The following ADAM19 variants were observed in gnomAD, a reference collection of about 807,000 sequenced individuals.
The protein encoded by ADAM19 is ADAM metallopeptidase domain 19.
Under a neutral mutation model 114.7 loss-of-function variants are expected in ADAM19, and 65 were observed. That is an observed-to-expected ratio of 0.57 (90% confidence interval 0.46 to 0.70). The LOEUF (loss-of-function observed/expected upper bound fraction) is 0.70. ADAM19 is among the 30% of genes least tolerant of loss of function. ADAM19 has a pLI of 0.00. For synonymous variants in ADAM19, 466 were observed against 460.5 expected (o/e 1.01, Z -0.15); for missense variants, 1,063 against 1,204.7 (o/e 0.88, Z 1.74).
intron 5 of ADAM19, among the ~76,000 whole-genome samples, chr5:157,521,100 G>A (rs1259666019): frequency 6.6e-6 from 1 of 152,198 alleles, no homozygotes; most frequent in Non-Finnish European, 1.5e-5. Context: ...CCCTTGGACT[G>A]GAGGCAGCTG....
At chr5:157,559,209 A>G (rs4704882) in intron 3 of ADAM19, among the ~76,000 whole-genome samples, 70,894 of 152,092 alleles carry the variant, frequency 0.47, 18,257 homozygotes, top group African/African-American at 0.7. Context: ...TGAGCAAATA[A>G]GATCTCTCTT....
chr5:157,505,140 TTTCC>T, intron 11 of ADAM19, among the ~76,000 whole-genome samples: 1 of 138,516 alleles, frequency 7.2e-6, no homozygotes, highest in Non-Finnish European at 1.6e-5. Flanking sequence ...AAAAAAAAAA[TTTCC>T]TCATGACCAC....
intron 4 of ADAM19, among the ~76,000 whole-genome samples, chr5:157,537,326 C>G (rs1581337877): frequency 2.0e-5 from 3 of 152,110 alleles, no homozygotes; most frequent in Admixed American, 2.0e-4. Flanking sequence ...TGACATGTAA[C>G]CATCTGAAAG....
At position 157,519,927 on chromosome 5, in the gene ADAM19, G is replaced by A. The variant is rs141344301; in HGVS notation, c.512C>T (p.Pro171Leu). Residue 171 changes from proline to leucine, a missense_variant, in exon 6 of 23, where the codon CCG becomes CTG. Around this residue, in one of 3 missense-constraint regions of ADAM19, gnomAD observed 615 missense variants for 706.3 expected, o/e 0.87. Coordinates refer to ENST00000257527, the MANE Select transcript of ADAM19 (RefSeq NM_033274.5). ...GGAGTGCTCGAACCCACAGTTTCCCGGGGGCGGCTTGAGATGTTCAGATCT... is the reference window on the plus strand; with the variant it reads ...GGAGTGCTCGAACCCACAGTTTCCCAGGGGCGGCTTGAGATGTTCAGATCT... ...IYRSEHLKPP[P>L]GNCGFEHSKP... 62 of 1,613,938 alleles carry A rather than the reference G, an allele frequency of 3.8e-5. No individual in the cohort carries two copies. The highest frequency in any genetic ancestry group is 2.1e-4 in the African/African-American group (16 of 74,876).
intron 2 of ADAM19, among the ~76,000 whole-genome samples, chr5:157,567,247 G>A (rs1205712651): frequency 2.6e-5 from 4 of 152,192 alleles, no homozygotes; most frequent in Non-Finnish European, 5.9e-5. Context: ...CTTGGGCAAC[G>A]CTGGCCATTG....
Position 157,496,895 on chromosome 5 carries a change from G to A in ADAM19, c.1593C>T (p.Pro531=), listed in dbSNP as rs142646672. ...YQEQCQQLWG[P]GARPAPDLCF... ...CCGTGCTCCCCAGGAGAGCCTTACCGGGTCCCCACAGCTGCTGGCACTGCT... is the reference window on the plus strand; with the variant it reads ...CCGTGCTCCCCAGGAGAGCCTTACCAGGTCCCCACAGCTGCTGGCACTGCT... Residue 531 remains proline, a splice_region_variant and synonymous_variant, in exon 14 of 23, where the codon CCC becomes CCT. Transcript: ENST00000257527. 5.5e-5 allele frequency: 87 copies of A among 1,572,288 alleles called. No individual in the cohort carries two copies. Among genetic ancestry groups the A allele is most frequent in the Non-Finnish European group, 6.5e-5 (76 of 1,161,642 alleles).
intron 5 of ADAM19, among the ~76,000 whole-genome samples, chr5:157,529,371 CTTA>C (rs1756562792): frequency 1.3e-5 from 2 of 151,330 alleles, no homozygotes; most frequent in South Asian, 4.2e-4. Flanking sequence ...ATAAATAAGA[CTTA>C]TTATGTCAAC....
At position 157,575,713 on chromosome 5, in the gene ADAM19, A is replaced by G. The variant is rs1048979381; in HGVS notation, c.-17T>C. ...CCCTGGCATGGTGGCGGCGGCCCTT[A>G]GCGCTCGGCGCTCACACGCCCTCAG... On this transcript the variant is annotated 5_prime_UTR_variant, in exon 1 of 23. Transcript: ENST00000257527. 9.2e-5 allele frequency: 120 copies of G among 1,310,848 alleles called. No individual in the cohort carries two copies. Among genetic ancestry groups the G allele is most frequent in the Non-Finnish European group, 1.0e-4 (108 of 1,031,798 alleles). 81.2% of individuals were successfully genotyped at this position (1,310,848 alleles called of 1,614,324 possible).
intron 7 of ADAM19, among the ~76,000 whole-genome samples, chr5:157,516,020 C>A (rs1756080239): frequency 6.6e-6 from 1 of 152,170 alleles, no homozygotes; most frequent in African/African-American, 2.4e-5. Context: ...CATTCAGAGC[C>A]CCAAGGCTCT....
At chr5:157,503,330 C>T (rs112517394) in intron 11 of ADAM19, among the ~76,000 whole-genome samples, 6 of 151,954 alleles carry the variant, frequency 3.9e-5, no homozygotes, top group South Asian at 2.1e-4. Flanking sequence ...CATAACACAC[C>T]GGGGCCTGTT....
At chr5:157,551,878 GTGCCTTGACTCA>G (rs1466642127) in intron 3 of ADAM19, among the ~76,000 whole-genome samples, 26 of 152,274 alleles carry the variant, frequency 1.7e-4, no homozygotes, top group African/African-American at 6.3e-4. Flanking sequence ...AACAAGCTGG[GTGCCTTGACTCA>G]TGCCTGTAAT....
At chr5:157,570,783 G>T in intron 2 of ADAM19, 112 bp downstream of exon 2, 1 of 898,710 alleles carries the variant, frequency 1.1e-6, no homozygotes, top group Non-Finnish European at 1.7e-6. Flanking sequence ...AGGACAGAGT[G>T]GGCCAGAAAC....
At chr5:157,542,354 C>G (rs1166712322) in intron 3 of ADAM19, among the ~76,000 whole-genome samples, 1 of 150,112 alleles carries the variant, frequency 6.7e-6, no homozygotes, top group Admixed American at 6.6e-5. Context: ...TTTTTTATTT[C>G]TAGCCTCCTA....
At chr5:157,540,532 G>A (rs1756887404) in intron 3 of ADAM19, among the ~76,000 whole-genome samples, 1 of 152,062 alleles carries the variant, frequency 6.6e-6, no homozygotes, top group Non-Finnish European at 1.5e-5. Flanking sequence ...GCACTGAAAG[G>A]AACCCTAGAA....
chr5:157,525,673 T>A (rs1241800368), intron 5 of ADAM19, among the ~76,000 whole-genome samples: 1 of 150,794 alleles, frequency 6.6e-6, no homozygotes, highest in Non-Finnish European at 1.5e-5. Flanking sequence ...AAGGAAAAAA[T>A]TTAATGGGGA....
chr5:157,530,231 A>G (rs55745041), intron 5 of ADAM19, among the ~76,000 whole-genome samples: 68,731 of 151,496 alleles, frequency 0.45, 16,161 homozygotes, highest in African/African-American at 0.57. Context: ...TTTTATGGGC[A>G]CTCTCACCCT....
chr5:157,522,307 A>ATTTTT (rs1756318549), intron 5 of ADAM19, among the ~76,000 whole-genome samples: 2 of 88,362 alleles, frequency 2.3e-5, no homozygotes, highest in Non-Finnish European at 4.3e-5. Flanking sequence ...TGTTTCATCA[A>ATTTTT]CTTTTAAGTT....
intron 22 of ADAM19, 121 bp downstream of exon 22, chr5:157,481,670 G>C: frequency 6.4e-7 from 1 of 1,551,728 alleles, no homozygotes. Flanking sequence ...CTTGGCTTTT[G>C]TTCTGGAAGT....
In ADAM19 at chr5:157,538,001, A is replaced by T; in HGVS notation, c.252-10T>A. The stretch of plus-strand genomic sequence containing the variant: ...AGGAGCAAAAAGTTGCCTGCAAAAA[A>T]TAAAAAGAGACATTTATATCATAAG... On this transcript the variant is annotated splice_polypyrimidine_tract_variant and intron_variant, in intron 3 of 22. Transcript: ENST00000257527. The T allele has an allele frequency of 6.2e-7, 1 of 1,608,466 alleles. No homozygotes were observed. Among genetic ancestry groups the T allele is most frequent in the Non-Finnish European group, 8.5e-7 (1 of 1,174,936 alleles).
Sources: gnomAD v4.1 joint callset for allele counts (sites outside exome capture counted in the v4.1 genomes callset) on GRCh38, gnomAD v4.1.1 for gene constraint, gnomAD v4.1.1 regional missense constraint, MANE v1.5 for transcripts, NCBI Gene and HGNC (gene_info 2026-07-23, HGNC 2026-07-21) for gene names.